LRMDA: variants seen among roughly 807,000 people sequenced by gnomAD.
The protein encoded by LRMDA is leucine rich melanocyte differentiation associated, also known as leucine-rich melanocyte differentiation-associated protein.
LRMDA carries 18 observed loss-of-function variants against 29.8 expected under a neutral mutation model. The observed-to-expected ratio is 0.60, with a 90% CI of 0.42 to 0.90. The LOEUF (loss-of-function observed/expected upper bound fraction) is 0.90. LRMDA is among the 40% of genes least tolerant of loss of function. LRMDA has a pLI of 0.00. For synonymous variants in LRMDA, 125 were observed against 109.4 expected, an observed-to-expected ratio of 1.14 and a Z score of -0.89; for missense variants, 273 against 273.9, an observed-to-expected ratio of 1.00 and a Z score of 0.02.
chr10:75,449,320 G>C (rs1224306813), intron 2 of LRMDA, among the ~76,000 whole-genome samples: 1 of 152,170 alleles, frequency 6.6e-6, no homozygotes, highest in East Asian at 1.9e-4. Flanking sequence ...TGAAGCAACT[G>C]AGGCCCAGAG....
At chr10:76,107,916 C>T (rs1165343371) in intron 5 of LRMDA, among the ~76,000 whole-genome samples, 1 of 152,132 alleles carries the variant, frequency 6.6e-6, no homozygotes, top group African/African-American at 2.4e-5. Context: ...AATTCTGGTT[C>T]CTGCTGGTAC....
intron 2 of LRMDA, chr10:75,883,324 A>G (rs1845325448): frequency 1.3e-5 from 2 of 152,372 alleles, no homozygotes; most frequent in South Asian, 4.1e-4. Flanking sequence ...CCTTGTGAGC[A>G]GTCCCTGGTT....
intron 2 of LRMDA, among the ~76,000 whole-genome samples, chr10:75,820,801 A>C (rs1844144321): frequency 6.6e-6 from 1 of 152,222 alleles, no homozygotes; most frequent in African/African-American, 2.4e-5. Flanking sequence ...GAAGAGTCAC[A>C]TAAACACAAT....
chr10:76,400,390 A>T (rs897636449), intron 6 of LRMDA, among the ~76,000 whole-genome samples: 2 of 152,260 alleles, frequency 1.3e-5, no homozygotes, highest in African/African-American at 4.8e-5. Context: ...ACCCACAGAA[A>T]GTGTGAGACA....
chr10:76,324,887 A>G (rs904111911), intron 6 of LRMDA, among the ~76,000 whole-genome samples: 2 of 152,196 alleles, frequency 1.3e-5, no homozygotes, highest in Non-Finnish European at 1.5e-5. Flanking sequence ...AATGAACTCT[A>G]TGTTATAACT....
chr10:75,489,150 A>G (rs1377917878), intron 2 of LRMDA, among the ~76,000 whole-genome samples: 1 of 151,968 alleles, frequency 6.6e-6, no homozygotes, highest in Non-Finnish European at 1.5e-5. Context: ...ACCATGGAGT[A>G]AAGAGTTAGG....
chr10:76,423,642 A>G (rs1272992458), intron 6 of LRMDA, among the ~76,000 whole-genome samples: 2 of 152,226 alleles, frequency 1.3e-5, no homozygotes, highest in Admixed American at 6.5e-5. Flanking sequence ...TTTGTTATAA[A>G]GGGAATGGCA....
intron 6 of LRMDA, among the ~76,000 whole-genome samples, chr10:76,483,342 A>G (rs1389114005): frequency 2.0e-5 from 3 of 151,970 alleles, no homozygotes; most frequent in Non-Finnish European, 4.4e-5. Context: ...TCTGATGGGT[A>G]AAAGGCAGAA....
Position 76,501,033 on chromosome 10 carries a change from C to T in LRMDA, c.602-56176C>T, listed in dbSNP as rs1235563759. Among the ~76,000 whole-genome samples the T allele has an allele frequency of 5.4e-5, 4 of 74,190 alleles. 2 individuals carry two copies. The highest frequency in any genetic ancestry group is 1.3e-4 in the African/African-American group (4 of 30,476). The allele number at this position is 74,190 out of a possible 152,430, so 48.7% of individuals were successfully genotyped here. A position where few individuals can be genotyped will look rare whatever the true frequency, so the allele number is the denominator to read the frequency against. ...TTCAGCCCACACTCCCTTTCTCCTT[C>T]TCCTCTCTAGTAGTCTCCAGTGTTG... On this transcript the variant is annotated intron_variant, in intron 6 of 6. Coordinates refer to ENST00000611255, the MANE Select transcript of LRMDA (RefSeq NM_001305581.2).
intron 5 of LRMDA, among the ~76,000 whole-genome samples, chr10:76,239,603 C>G (rs1196218536): frequency 1.3e-5 from 2 of 151,302 alleles, no homozygotes; most frequent in Non-Finnish European, 1.5e-5. Flanking sequence ...CTGTCTCTCT[C>G]TCTCTATTAT....
chr10:75,452,363 G>C (rs1395216839), intron 2 of LRMDA, among the ~76,000 whole-genome samples: 1 of 152,126 alleles, frequency 6.6e-6, no homozygotes, highest in African/African-American at 2.4e-5. Flanking sequence ...CGTGATTGCT[G>C]TTCACGCCGC....
intron 6 of LRMDA, among the ~76,000 whole-genome samples, chr10:76,417,130 T>C (rs1156890944): frequency 1.3e-5 from 2 of 152,216 alleles, no homozygotes; most frequent in African/African-American, 4.8e-5. Context: ...CAATTTGGTC[T>C]GCCTGGATAC....
intron 5 of LRMDA, among the ~76,000 whole-genome samples, chr10:76,286,612 A>G (rs189254780): frequency 5.9e-5 from 9 of 152,268 alleles, no homozygotes; most frequent in South Asian, 2.1e-4. Flanking sequence ...GCTCACTTCA[A>G]TAGCAAAAAT....
intron 5 of LRMDA, among the ~76,000 whole-genome samples, chr10:76,080,737 A>T (rs2132078909): frequency 6.6e-6 from 1 of 152,358 alleles, no homozygotes; most frequent in South Asian, 2.1e-4. Context: ...TAGCTACTGC[A>T]GTTGTGATTT....
intron 6 of LRMDA, among the ~76,000 whole-genome samples, chr10:76,334,048 G>A (rs560825897): frequency 1.3e-5 from 2 of 152,288 alleles, no homozygotes; most frequent in South Asian, 4.1e-4. Flanking sequence ...GTGGAGCTGT[G>A]GCAGCAGGAA....
chr10:75,575,230 G>C (rs1395825856), intron 2 of LRMDA, among the ~76,000 whole-genome samples: 1 of 152,122 alleles, frequency 6.6e-6, no homozygotes, highest in East Asian at 1.9e-4. Flanking sequence ...ATATTGGGTG[G>C]GGACAAATAT....
chr10:76,515,657 C>T (rs1165593291), intron 6 of LRMDA, among the ~76,000 whole-genome samples: 1 of 152,022 alleles, frequency 6.6e-6, no homozygotes, highest in Non-Finnish European at 1.5e-5. Context: ...AGGCTTGTAC[C>T]ACCACACCCA....
chr10:76,381,388 A>G (rs1841590237), intron 6 of LRMDA, among the ~76,000 whole-genome samples: 1 of 152,178 alleles, frequency 6.6e-6, no homozygotes, highest in Non-Finnish European at 1.5e-5. Context: ...TAGTCCATAT[A>G]TATCACCAAT....
At chr10:76,329,940 A>C (rs1840884675) in intron 6 of LRMDA, among the ~76,000 whole-genome samples, 1 of 152,188 alleles carries the variant, frequency 6.6e-6, no homozygotes, top group Non-Finnish European at 1.5e-5. Flanking sequence ...CAACTCATTA[A>C]ATCGCCAAAG....
Sources: gnomAD v4.1 joint callset for allele counts (sites outside exome capture counted in the v4.1 genomes callset) on GRCh38, gnomAD v4.1.1 for gene constraint, MANE v1.5 for transcripts, NCBI Gene and HGNC (gene_info 2026-07-23, HGNC 2026-07-21) for gene names.